Variants in CXXC5 observed in about 807,000 individuals in gnomAD.
CXXC5 encodes the protein CXXC-type zinc finger protein 5.
In CXXC5, 2 loss-of-function variants were observed where a neutral mutation model predicts 17.6. The ratio of observed to expected loss-of-function variants is 0.11; its 90% confidence interval spans 0.05 to 0.36. The LOEUF is 0.36. Ranked by LOEUF, CXXC5 falls within the 10% of genes least tolerant of loss-of-function variation. The probability of loss-of-function intolerance (pLI) is 1.00; values close to 1 mark genes in which losing one functional copy is unlikely to be tolerated. For synonymous variants in CXXC5, 171 were observed against 193.0 expected, an observed-to-expected ratio of 0.89 and a Z score of 0.94; for missense variants, 343 against 458.3, an observed-to-expected ratio of 0.75 and a Z score of 2.30.
chr5:139,671,005 A>G (rs1266150667), intron 1 of CXXC5, among the ~76,000 whole-genome samples: 1 of 152,150 alleles, frequency 6.6e-6, no homozygotes, highest in African/African-American at 2.4e-5. Context: ...ATCCTTGGGT[A>G]GTTATGCCAC....
intron 1 of CXXC5, among the ~76,000 whole-genome samples, chr5:139,667,139 G>T (rs1756153107): frequency 6.6e-6 from 1 of 152,190 alleles, no homozygotes; most frequent in African/African-American, 2.4e-5. Context: ...GTGGTCTGTA[G>T]TTCTGGGTTT....
At chr5:139,651,390 G>A (rs1188204184) in intron 1 of CXXC5, among the ~76,000 whole-genome samples, 1 of 151,948 alleles carries the variant, frequency 6.6e-6, no homozygotes, top group Non-Finnish European at 1.5e-5. Flanking sequence ...GGCTGGGCTG[G>A]GCTGGGCTGG....
chr5:139,683,021 T>C lies in CXXC5; in HGVS notation c.*114T>C. Reference sequence around the variant, plus strand: ...CACCCGTCTTTAGAACCAAAAATATTCTCTCACAGATTTCATTCCTGTTTT... The same window carrying C: ...CACCCGTCTTTAGAACCAAAAATATCCTCTCACAGATTTCATTCCTGTTTT... On this transcript the variant is annotated 3_prime_UTR_variant, in exon 3 of 3. Transcript: ENST00000302517. 1 of 821,448 alleles carries C rather than the reference T, an allele frequency of 1.2e-6. No individual in the cohort carries two copies. Among genetic ancestry groups the C allele is most frequent in the Non-Finnish European group, 1.7e-6 (1 of 577,114 alleles). 50.9% of individuals were successfully genotyped at this position (821,448 alleles called of 1,614,324 possible). A position where few individuals can be genotyped will look rare whatever the true frequency, so the allele number is the denominator to read the frequency against.
chr5:139,656,962 T>C (rs541246286), intron 1 of CXXC5, among the ~76,000 whole-genome samples: 28 of 152,256 alleles, frequency 1.8e-4, no homozygotes, highest in African/African-American at 5.8e-4. Context: ...TGACCTCAAG[T>C]GATTCACCTG....
Position 139,652,166 on chromosome 5 carries a change from G to A in CXXC5, c.-161+3321G>A, listed in dbSNP as rs899829054. Among the ~76,000 whole-genome samples, 4 of 144,066 alleles carry A rather than the reference G, an allele frequency of 2.8e-5. No individual in the cohort carries two copies. In the East Asian group the frequency reaches 6.4e-4, roughly 23 times the overall value. The allele number at this position is 144,066 out of a possible 152,430, so 94.5% of individuals were successfully genotyped here. On this transcript the variant is annotated intron_variant, in intron 1 of 2. Coordinates refer to ENST00000302517, the MANE Select transcript of CXXC5 (RefSeq NM_016463.9). ...GCCGCCGGCGCGCGCGCGCGCGCGCGCGCGCGTGTGTGTGTGTGTGTGTGT... is the reference window on the plus strand; with the variant it reads ...GCCGCCGGCGCGCGCGCGCGCGCGCACGCGCGTGTGTGTGTGTGTGTGTGT...
intron 1 of CXXC5, among the ~76,000 whole-genome samples, chr5:139,656,245 G>A (rs1195856197): frequency 6.6e-6 from 1 of 152,246 alleles, no homozygotes; most frequent in Non-Finnish European, 1.5e-5. Flanking sequence ...CCAGAACTAT[G>A]CAAAGCATCT....
intron 1 of CXXC5, among the ~76,000 whole-genome samples, chr5:139,666,822 C>T (rs544276600): frequency 6.6e-6 from 1 of 152,338 alleles, no homozygotes; most frequent in South Asian, 2.1e-4. Context: ...AGTGAGCTGA[C>T]TGAGACTGTG....
chr5:139,681,514 TCC>T, intron 2 of CXXC5, 67 bp downstream of exon 2: 1 of 1,499,474 alleles, frequency 6.7e-7, no homozygotes, highest in Non-Finnish European at 8.9e-7. Context: ...CCCACCCCCA[TCC>T]CCTGACCCCA....
In CXXC5 at chr5:139,648,463, TC is replaced by T. The variant is rs1754975583; in HGVS notation, c.-539del. On this transcript the variant is annotated 5_prime_UTR_variant, in exon 1 of 3. Transcript: ENST00000302517. The stretch of plus-strand genomic sequence containing the variant: ...GAGCGAGAAGAGCGGCAGAGCCTTA[TC>T]CCCTGAAGCCGGGCCCCGCGTCCCA... The T allele has an allele frequency of 6.5e-6, 1 of 152,826 alleles. No homozygotes were observed. The allele number at this position is 152,826 out of a possible 1,614,324, so 9.5% of individuals were successfully genotyped here.
At chr5:139,672,909 C>T (rs561609515) in intron 1 of CXXC5, among the ~76,000 whole-genome samples, 29 of 152,292 alleles carry the variant, frequency 1.9e-4, no homozygotes, top group Admixed American at 1.2e-3. Context: ...CACACAAACA[C>T]ACCCCACACA....
At chr5:139,669,978 C>G (rs1756361947) in intron 1 of CXXC5, among the ~76,000 whole-genome samples, 1 of 152,206 alleles carries the variant, frequency 6.6e-6, no homozygotes, top group African/African-American at 2.4e-5. Flanking sequence ...CTGGGGCCAG[C>G]CTGAGCCTCC....
intron 1 of CXXC5, among the ~76,000 whole-genome samples, chr5:139,669,666 GCA>G (rs1362587683): frequency 2.0e-5 from 3 of 152,046 alleles, no homozygotes; most frequent in African/African-American, 7.2e-5. Context: ...AAGGACACAG[GCA>G]CACAAGTACA....
At chr5:139,659,291 G>A (rs1325297071) in intron 1 of CXXC5, among the ~76,000 whole-genome samples, 1 of 152,136 alleles carries the variant, frequency 6.6e-6, no homozygotes, top group African/African-American at 2.4e-5. Context: ...AGTGAGGCGC[G>A]GTGTCCAGCG....
intron 1 of CXXC5, among the ~76,000 whole-genome samples, chr5:139,652,169 C>CGTGTGTGT (rs1223071797): frequency 2.7e-4 from 38 of 140,016 alleles, no homozygotes; most frequent in African/African-American, 9.9e-4. Context: ...CGCGCGCGCG[C>CGTGTGTGT]GCGTGTGTGT....
intron 1 of CXXC5, among the ~76,000 whole-genome samples, chr5:139,672,296 T>C (rs1287910048): frequency 3.3e-5 from 5 of 152,156 alleles, no homozygotes; most frequent in Non-Finnish European, 1.5e-5. Context: ...TTTTGTATTA[T>C]TAGTAAAGAC....
rs150090177 is a variant in CXXC5, at chr5:139,672,898, A to G, written c.-160-7466A>G. Among the ~76,000 whole-genome samples the G allele has an allele frequency of 5.5e-3, 842 of 152,214 alleles. 5 individuals are homozygous for G. The highest frequency in any genetic ancestry group is 0.027 in the Middle Eastern group (8 of 294). On this transcript the variant is annotated intron_variant, in intron 1 of 2. Coordinates refer to ENST00000302517, the MANE Select transcript of CXXC5 (RefSeq NM_016463.9). ...GCACATATGCCTCCCCCAACCCCAGACACACAAACACACCCCACACAGGAG... is the reference window on the plus strand; with the variant it reads ...GCACATATGCCTCCCCCAACCCCAGGCACACAAACACACCCCACACAGGAG...
chr5:139,662,018 C>A (rs559198209), intron 1 of CXXC5, among the ~76,000 whole-genome samples: 12 of 152,184 alleles, frequency 7.9e-5, no homozygotes, highest in African/African-American at 2.9e-4. Flanking sequence ...CAGGGAAAGT[C>A]GATTTCCCCA....
At chr5:139,660,812 A>C (rs1345060962) in intron 1 of CXXC5, among the ~76,000 whole-genome samples, 1 of 152,028 alleles carries the variant, frequency 6.6e-6, no homozygotes, top group Non-Finnish European at 1.5e-5. Flanking sequence ...GGGGGAGTAC[A>C]CAGACAGAGG....
intron 1 of CXXC5, among the ~76,000 whole-genome samples, chr5:139,666,690 A>G (rs1756131015): frequency 6.6e-6 from 1 of 152,168 alleles, no homozygotes; most frequent in Non-Finnish European, 1.5e-5. Context: ...GGAAATGGGG[A>G]TGATCACAGA....
Sources: gnomAD v4.1 joint callset for allele counts (sites outside exome capture counted in the v4.1 genomes callset) on GRCh38, gnomAD v4.1.1 for gene constraint, MANE v1.5 for transcripts, NCBI Gene and HGNC (gene_info 2026-07-23, HGNC 2026-07-21) for gene names.